Variants in DCC observed in about 807,000 individuals in gnomAD.
DCC encodes the protein DCC netrin 1 receptor, also known as netrin receptor DCC.
In DCC, 58 loss-of-function variants were observed where a neutral mutation model predicts 172.5. That is an observed-to-expected ratio of 0.34 (90% CI 0.27 to 0.42). DCC has a LOEUF of 0.42. Ranked by LOEUF, DCC falls within the 10% of genes least tolerant of loss-of-function variation. The pLI is 1.00. For synonymous variants in DCC, 709 were observed against 644.5 expected, an observed-to-expected ratio of 1.10 and a Z score of -1.52; for missense variants, 1,740 against 1,791.0, an observed-to-expected ratio of 0.97 and a Z score of 0.51.
chr18:52,969,575 C>T (rs987297284), intron 5 of DCC, among the ~76,000 whole-genome samples: 1 of 91,072 alleles, frequency 1.1e-5, no homozygotes. Context: ...CTTATTTGCC[C>T]CGCCCCCCAC....
intron 7 of DCC, among the ~76,000 whole-genome samples, chr18:53,123,083 C>T (rs1159998409): frequency 6.6e-6 from 1 of 152,034 alleles, no homozygotes; most frequent in Non-Finnish European, 1.5e-5. Flanking sequence ...TATATTCCAC[C>T]ATGGGAGACA....
At chr18:53,421,635 G>A (rs1910648298) in intron 21 of DCC, among the ~76,000 whole-genome samples, 1 of 152,154 alleles carries the variant, frequency 6.6e-6, no homozygotes, top group African/African-American at 2.4e-5. Context: ...AGGAGCACTG[G>A]AATGGAATTA....
At chr18:52,921,717 T>TAAG (rs2040128748) in intron 3 of DCC, among the ~76,000 whole-genome samples, 1 of 149,262 alleles carries the variant, frequency 6.7e-6, no homozygotes, top group Admixed American at 6.8e-5. Context: ...ATAATAATAA[T>TAAG]AATAATAATA....
chr18:52,775,236 G>A (rs1314750897), intron 2 of DCC, among the ~76,000 whole-genome samples: 1 of 145,276 alleles, frequency 6.9e-6, no homozygotes, highest in Non-Finnish European at 1.5e-5. Flanking sequence ...CATGCTTCTA[G>A]GGGAGCATAC....
intron 15 of DCC, among the ~76,000 whole-genome samples, chr18:53,362,156 C>T (rs2057954694): frequency 6.6e-6 from 1 of 152,128 alleles, no homozygotes; most frequent in South Asian, 2.1e-4. Context: ...GCCATACCAT[C>T]TTTTATTATT....
At chr18:53,115,742 G>A (rs4534924) in intron 7 of DCC, among the ~76,000 whole-genome samples, 104,496 of 151,406 alleles carry the variant, frequency 0.69, 37,855 homozygotes, top group African/African-American at 0.9. Flanking sequence ...GTGTACATTT[G>A]GTTATTTGGC....
intron 27 of DCC, chr18:53,505,359 A>C (rs1278338255): frequency 6.6e-6 from 1 of 152,112 alleles, no homozygotes; most frequent in East Asian, 1.9e-4. Flanking sequence ...ATGAGCATAA[A>C]GAAGTATATA....
chr18:52,376,886 T>C (rs890752066), intron 1 of DCC, among the ~76,000 whole-genome samples: 1 of 152,146 alleles, frequency 6.6e-6, no homozygotes, highest in African/African-American at 2.4e-5. Flanking sequence ...GGGGATAAGA[T>C]GTAATGTGGT....
intron 27 of DCC, among the ~76,000 whole-genome samples, chr18:53,522,924 TTAAAC>T (rs752058417): frequency 4.7e-4 from 72 of 152,196 alleles, no homozygotes; most frequent in Non-Finnish European, 8.4e-4. Flanking sequence ...TGGGATCAAA[TTAAAC>T]TAAAGAGCTT....
intron 4 of DCC, among the ~76,000 whole-genome samples, chr18:52,924,867 A>C (rs2145487808): frequency 6.6e-6 from 1 of 152,098 alleles, no homozygotes; most frequent in African/African-American, 2.4e-5. Flanking sequence ...AAGGTTACTA[A>C]ATTGGATTTC....
At chr18:52,843,426 A>G (rs1399748879) in intron 2 of DCC, among the ~76,000 whole-genome samples, 4 of 152,178 alleles carry the variant, frequency 2.6e-5, no homozygotes, top group African/African-American at 9.6e-5. Context: ...CCTTGCATCA[A>G]GCAGAGAAAT....
At chr18:52,637,898 T>A (rs897065215) in intron 1 of DCC, among the ~76,000 whole-genome samples, 2 of 151,782 alleles carry the variant, frequency 1.3e-5, no homozygotes, top group Non-Finnish European at 2.9e-5. Context: ...AAGGAAAGAA[T>A]CTTAAGAGCT....
intron 1 of DCC, among the ~76,000 whole-genome samples, chr18:52,498,923 T>G (rs1479127660): frequency 1.3e-5 from 2 of 152,116 alleles, no homozygotes; most frequent in South Asian, 2.1e-4. Flanking sequence ...CCTGTTACCT[T>G]GAGAATTAGG....
chr18:52,375,587 G>A (rs889070708), intron 1 of DCC, among the ~76,000 whole-genome samples: 8 of 152,170 alleles, frequency 5.3e-5, no homozygotes, highest in African/African-American at 1.9e-4. Flanking sequence ...ACCAGCTATG[G>A]GAGTCTTGAA....
At chr18:53,375,682 G>T (rs2058103537) in intron 15 of DCC, among the ~76,000 whole-genome samples, 1 of 147,912 alleles carries the variant, frequency 6.8e-6, no homozygotes. Flanking sequence ...TGGTTATAAG[G>T]TCTCTGGTTA....
intron 15 of DCC, among the ~76,000 whole-genome samples, chr18:53,361,231 C>T (rs1446480585): frequency 6.6e-6 from 1 of 152,036 alleles, no homozygotes; most frequent in East Asian, 1.9e-4. Flanking sequence ...CTGCTGACAC[C>T]TCAGTTTTGG....
At chr18:53,219,944 T>A (rs2144588905) in intron 12 of DCC, among the ~76,000 whole-genome samples, 1 of 152,270 alleles carries the variant, frequency 6.6e-6, no homozygotes, top group South Asian at 2.1e-4. Context: ...TATTATGGGA[T>A]AACTGCAGAA....
intron 1 of DCC, among the ~76,000 whole-genome samples, chr18:52,645,092 A>C (rs1045275296): frequency 6.6e-6 from 1 of 152,036 alleles, no homozygotes; most frequent in African/African-American, 2.4e-5. Context: ...TTGCATTTAC[A>C]TTGAGTTTTC....
chr18:52,957,885 T>C (rs1261938770), intron 5 of DCC, among the ~76,000 whole-genome samples: 1 of 152,142 alleles, frequency 6.6e-6, no homozygotes, highest in Non-Finnish European at 1.5e-5. Context: ...ATGTCATGGA[T>C]AGTTATTATC....
Sources: allele counts gnomAD v4.1 joint callset (sites outside exome capture counted in the v4.1 genomes callset), GRCh38; gene constraint gnomAD v4.1.1; transcripts MANE v1.5; gene names NCBI Gene and HGNC (gene_info 2026-07-23, HGNC 2026-07-21).